Variants in ARHGEF38 observed in about 807,000 individuals in gnomAD.
The protein encoded by ARHGEF38 is Rho guanine nucleotide exchange factor 38, also known as Rho guanine nucleotide exchange factor (GEF) 38.
In ARHGEF38, 79 loss-of-function variants were observed where a neutral mutation model predicts 79.9. That is an observed-to-expected ratio of 0.99 (90% CI 0.82 to 1.19). The LOEUF (loss-of-function observed/expected upper bound fraction) is 1.19, where lower values mean the gene tolerates loss of function less well. Ranked by LOEUF, ARHGEF38 falls within the 50% of genes most tolerant of loss-of-function variation. The pLI is 0.00. For missense variants in ARHGEF38, 962 were observed against 907.2 expected (o/e 1.06, Z -0.78); for synonymous variants, 366 against 328.3 (o/e 1.11, Z -1.24).
chr4:105,601,703 G>A (rs969503532), intron 2 of ARHGEF38, among the ~76,000 whole-genome samples: 2 of 152,052 alleles, frequency 1.3e-5, no homozygotes, highest in Non-Finnish European at 2.9e-5. Context: ...GGCAGAGCAG[G>A]CATCAGCGGT....
chr4:105,582,928 A>T (rs1225757415), intron 1 of ARHGEF38, among the ~76,000 whole-genome samples: 1 of 152,174 alleles, frequency 6.6e-6, no homozygotes, highest in African/African-American at 2.4e-5. Flanking sequence ...AGTCTATTTT[A>T]TCTGTGTAAA....
chr4:105,554,311 G>C (rs1005335622), intron 1 of ARHGEF38, among the ~76,000 whole-genome samples: 5 of 152,148 alleles, frequency 3.3e-5, no homozygotes, highest in African/African-American at 1.2e-4. Flanking sequence ...CCTGGGTACT[G>C]AGCATAGTAC....
intron 3 of ARHGEF38, among the ~76,000 whole-genome samples, chr4:105,623,102 C>A (rs1313033111): frequency 6.6e-6 from 1 of 152,164 alleles, no homozygotes; most frequent in Non-Finnish European, 1.5e-5. Flanking sequence ...AAACACTGGG[C>A]ATAACCCCTC....
intron 3 of ARHGEF38, among the ~76,000 whole-genome samples, chr4:105,621,765 G>T (rs1191204197): frequency 6.6e-6 from 1 of 152,122 alleles, no homozygotes; most frequent in Non-Finnish European, 1.5e-5. Context: ...GTTTTACTCA[G>T]GACACAAATA....
chr4:105,583,444 A>T (rs553740379), intron 1 of ARHGEF38, among the ~76,000 whole-genome samples: 39 of 152,236 alleles, frequency 2.6e-4, no homozygotes, highest in African/African-American at 9.4e-4. Flanking sequence ...GGCCATGCAC[A>T]CGCTCACCTT....
chr4:105,673,764 GGTTTTGTTTT>G (rs368317714), intron 13 of ARHGEF38, among the ~76,000 whole-genome samples: 12 of 151,996 alleles, frequency 7.9e-5, no homozygotes, highest in African/African-American at 2.9e-4. Flanking sequence ...CAGTTGGGTG[GGTTTTGTTTT>G]GTTTTGTTTT....
chr4:105,649,860 A>G (rs1379942639), intron 7 of ARHGEF38, among the ~76,000 whole-genome samples: 1 of 152,220 alleles, frequency 6.6e-6, no homozygotes, highest in East Asian at 1.9e-4. Context: ...GGAAGAAATT[A>G]AGAACAACAT....
At chr4:105,668,720 G>C (rs187064155) in intron 13 of ARHGEF38, among the ~76,000 whole-genome samples, 1 of 152,104 alleles carries the variant, frequency 6.6e-6, no homozygotes, top group East Asian at 1.9e-4. Context: ...TAGATAGATA[G>C]ATAGAGAAGT....
intron 1 of ARHGEF38, among the ~76,000 whole-genome samples, chr4:105,575,017 C>T (rs544534472): frequency 1.2e-3 from 181 of 145,490 alleles, no homozygotes; most frequent in African/African-American, 4.1e-3. Flanking sequence ...CATATATACA[C>T]ACACACACAC....
At chr4:105,562,598 A>C (rs1725687891) in intron 1 of ARHGEF38, among the ~76,000 whole-genome samples, 1 of 152,224 alleles carries the variant, frequency 6.6e-6, no homozygotes, top group South Asian at 2.1e-4. Context: ...TCTCTTTTTA[A>C]ATGAATTTAT....
Position 105,629,448 on chromosome 4 carries a change from G to A in ARHGEF38, c.509-1450G>A, listed in dbSNP as rs190021568. On this transcript the variant is annotated intron_variant, in intron 3 of 13. Coordinates refer to ENST00000420470, the MANE Select transcript of ARHGEF38 (RefSeq NM_001242729.2). ...GAAGTTAATGTGTGAAAAACATGTT[G>A]AAAATACTAAGGGCACTTTTATTTC... Among the ~76,000 whole-genome samples, 25 of 152,048 alleles carry A rather than the reference G, an allele frequency of 1.6e-4. 1 individual carries two copies. The highest frequency in any genetic ancestry group is 5.1e-4 in the African/African-American group (21 of 41,376).
chr4:105,654,098 C>G lies in ARHGEF38; in HGVS notation c.1042C>G (p.Leu348Val). Residue 348 changes from leucine (L) to valine (V), a missense_variant, in exon 8 of 14, where the codon CTG (leucine) becomes GTG (valine). By Grantham distance (32) the Leu-to-Val change is conservative. Coordinates refer to ENST00000420470, the MANE Select transcript of ARHGEF38 (RefSeq NM_001242729.2). ...KDNTFNREEK[L>V]FRALEKTVRL... ...CAATACCTTTAACAGAGAAGAAAAG[C>G]TGTTTAGAGCTTTAGAAAAGACTGT... 1 of 1,513,584 alleles carries G rather than the reference C, an allele frequency of 6.6e-7. No homozygotes were observed. The highest frequency in any genetic ancestry group is 8.8e-7 in the Non-Finnish European group (1 of 1,131,584). 93.8% of individuals were successfully genotyped at this position (1,513,584 alleles called of 1,614,324 possible). A position where few individuals can be genotyped will look rare whatever the true frequency, so the allele number is the denominator to read the frequency against.
intron 3 of ARHGEF38, among the ~76,000 whole-genome samples, chr4:105,620,523 A>G (rs1728695835): frequency 6.6e-6 from 1 of 152,210 alleles, no homozygotes. Context: ...TTACTCATCT[A>G]TTTAAAATGC....
At position 105,667,210 on chromosome 4, in the gene ARHGEF38, C is replaced by T. The variant is rs183826115; in HGVS notation, c.1771C>T (p.Arg591Cys). The change falls in exon 12 of 14, where the codon CGC becomes TGC. Residue 591 changes from arginine (R) to cysteine (C), a missense_variant. Arg to Cys is a radical substitution (Grantham distance 180). Transcript: ENST00000420470. ...TGCAGAGGAACTCTATCAAGCTAAGCGCAAGTGCAATGCTACACAAGAATA... is the reference window on the plus strand; with the variant it reads ...TGCAGAGGAACTCTATCAAGCTAAGTGCAAGTGCAATGCTACACAAGAATA... ...YSAEELYQAK[R>C]KCNATQEYDI... The T allele has an allele frequency of 3.6e-5, 55 of 1,536,140 alleles. No individual in the cohort carries two copies. The East Asian group carries it at 8.3e-4, about 23-fold the overall frequency.
intron 2 of ARHGEF38, among the ~76,000 whole-genome samples, chr4:105,596,357 G>A (rs541721024): frequency 6.6e-6 from 1 of 152,260 alleles, no homozygotes; most frequent in Non-Finnish European, 1.5e-5. Flanking sequence ...TCAGCTTCCT[G>A]CTTGTGCCCC....
At chr4:105,660,423 G>T (rs893749707) in intron 10 of ARHGEF38, among the ~76,000 whole-genome samples, 2 of 151,370 alleles carry the variant, frequency 1.3e-5, no homozygotes, top group African/African-American at 4.9e-5. Context: ...TACATAAAGA[G>T]CTTCCTCATT....
At chr4:105,635,260 A>T (rs576966515) in intron 4 of ARHGEF38, among the ~76,000 whole-genome samples, 1 of 152,246 alleles carries the variant, frequency 6.6e-6, no homozygotes, top group African/African-American at 2.4e-5. Context: ...AGCCTAAAAG[A>T]GATTTTTTTA....
At chr4:105,623,215 G>A (rs933054972) in intron 3 of ARHGEF38, among the ~76,000 whole-genome samples, 2 of 152,202 alleles carry the variant, frequency 1.3e-5, no homozygotes, top group African/African-American at 4.8e-5. Context: ...CTGAATGGAT[G>A]AAATTAGAGA....
rs142971687 is a variant in ARHGEF38 at position 105,563,086 on chromosome 4, A to G, written c.196+10125A>G. ...ATCTGAGATAATTCCTAAAGAGGGC[A>G]TATCTGCTGGTTGCACTCCCGGCAG... On this transcript the variant is annotated intron_variant, in intron 1 of 13. Transcript: ENST00000420470. Among the ~76,000 whole-genome samples, 662 of 152,288 alleles carry G rather than the reference A, an allele frequency of 4.3e-3. 9 individuals carry two copies. Among genetic ancestry groups the G allele is most frequent in the Non-Finnish European group, 4.4e-3 (299 of 68,030 alleles).
Sources: gnomAD v4.1 joint callset for allele counts (sites outside exome capture counted in the v4.1 genomes callset) on GRCh38, gnomAD v4.1.1 for gene constraint, MANE v1.5 for transcripts, NCBI Gene and HGNC (gene_info 2026-07-23, HGNC 2026-07-21) for gene names.